Variants in NTF3 observed in about 807,000 individuals in gnomAD.
NTF3 encodes the protein neurotrophin 3.
A neutral mutation model predicts 26.3 loss-of-function variants in NTF3; 8 were observed. That is an observed-to-expected ratio of 0.30 (90% CI 0.18 to 0.55). NTF3 has a LOEUF of 0.55. Among genes scored for constraint, NTF3 ranks in the 20% least tolerant of loss-of-function variants. The pLI is 0.93. For missense variants in NTF3, 276 were observed against 352.9 expected (o/e 0.78, Z 1.75); for synonymous variants, 154 against 145.5 (o/e 1.06, Z -0.42).
At chr12:5,483,752 A>G (rs979005122) in intron 1 of NTF3, among the ~76,000 whole-genome samples, 2 of 152,204 alleles carry the variant, frequency 1.3e-5, no homozygotes, top group Admixed American at 1.3e-4. Context: ...TTCAAACATC[A>G]TGGAGAACAC....
intron 1 of NTF3, among the ~76,000 whole-genome samples, chr12:5,437,546 T>C (rs539712399): frequency 3.9e-5 from 6 of 152,210 alleles, no homozygotes; most frequent in Non-Finnish European, 8.8e-5. Context: ...CCACCCCAAC[T>C]GGAGGGAATG....
chr12:5,469,318 C>T (rs74056365), intron 1 of NTF3, among the ~76,000 whole-genome samples: 4,430 of 152,164 alleles, frequency 0.029, 133 homozygotes, highest in African/African-American at 0.076. Context: ...GAGCCATTTT[C>T]GCAACCAGCA....
chr12:5,458,344 C>G (rs1282160209), intron 1 of NTF3, among the ~76,000 whole-genome samples: 1 of 152,174 alleles, frequency 6.6e-6, no homozygotes, highest in African/African-American at 2.4e-5. Context: ...TTCTGGGGCT[C>G]CCTATCACAC....
At chr12:5,469,120 CAA>C (rs920267333) in intron 1 of NTF3, among the ~76,000 whole-genome samples, 1 of 137,508 alleles carries the variant, frequency 7.3e-6, no homozygotes. Flanking sequence ...GATCCTGTCT[CAA>C]AAAAAAAAAG....
intron 1 of NTF3, among the ~76,000 whole-genome samples, chr12:5,469,103 A>G (rs564904664): frequency 1.3e-5 from 2 of 152,184 alleles, no homozygotes; most frequent in East Asian, 3.9e-4. Context: ...CCTAGGAGAC[A>G]GAGTGAGATC....
intron 1 of NTF3, among the ~76,000 whole-genome samples, chr12:5,476,615 G>T (rs553686327): frequency 5.9e-5 from 9 of 152,172 alleles, no homozygotes; most frequent in Non-Finnish European, 1.2e-4. Context: ...TGGAGTGGTG[G>T]ATCATGAGAA....
At position 5,491,845 on chromosome 12, in the gene NTF3, G is replaced by A. The variant is rs149734267; in HGVS notation, c.19-2349G>A. Among the ~76,000 whole-genome samples, 158 of 149,042 alleles carry A rather than the reference G, an allele frequency of 1.1e-3. 2 individuals carry two copies. In the East Asian group the frequency reaches 0.022, roughly 21 times the overall value. On this transcript the variant is annotated intron_variant, in intron 1 of 1. Coordinates refer to ENST00000423158, the MANE Select transcript of NTF3 (RefSeq NM_001102654.2). ...CACCATTCTCCTGCCTCAGCCTCCC[G>A]AGTAGCTGGGACTACAGGCTGCCAC...
Position 5,453,702 on chromosome 12 carries a change from G to A in NTF3, c.18+21360G>A, listed in dbSNP as rs145199964. Among the ~76,000 whole-genome samples, 82 of 152,282 alleles carry A rather than the reference G, an allele frequency of 5.4e-4. 1 individual carries two copies. The highest frequency in any genetic ancestry group is 1.8e-3 in the African/African-American group (73 of 41,556). ...GCTCCTTCATGCTTCCCACTTGTTCGGGATCTTTTTGCCAGCTGACCACAG... is the reference window on the plus strand; with the variant it reads ...GCTCCTTCATGCTTCCCACTTGTTCAGGATCTTTTTGCCAGCTGACCACAG... On this transcript the variant is annotated intron_variant, in intron 1 of 1. Transcript: ENST00000423158.
intron 1 of NTF3, among the ~76,000 whole-genome samples, chr12:5,479,187 C>T (rs543906809): frequency 4.6e-5 from 7 of 152,230 alleles, no homozygotes; most frequent in Non-Finnish European, 7.4e-5. Flanking sequence ...CAAGATTTGC[C>T]GGAGAGAGGA....
At chr12:5,488,640 C>G (rs895367425) in intron 1 of NTF3, among the ~76,000 whole-genome samples, 1 of 152,136 alleles carries the variant, frequency 6.6e-6, no homozygotes, top group Non-Finnish European at 1.5e-5. Flanking sequence ...TTAATATTTC[C>G]ACCACATTCC....
At chr12:5,461,719 G>A (rs545718290) in intron 1 of NTF3, among the ~76,000 whole-genome samples, 16 of 152,202 alleles carry the variant, frequency 1.1e-4, no homozygotes, top group Non-Finnish European at 1.9e-4. Context: ...CACATAAAAT[G>A]TGCCCTCTCT....
At chr12:5,490,141 T>C (rs569568607) in intron 1 of NTF3, among the ~76,000 whole-genome samples, 1 of 152,262 alleles carries the variant, frequency 6.6e-6, no homozygotes, top group Admixed American at 6.5e-5. Context: ...CTGGGGACCA[T>C]GGCCGACTTC....
intron 1 of NTF3, among the ~76,000 whole-genome samples, chr12:5,476,692 A>C (rs551409797): frequency 8.1e-4 from 124 of 152,306 alleles, no homozygotes; most frequent in African/African-American, 2.9e-3. Context: ...GGAGCAGAGG[A>C]TTCAAAATAG....
At chr12:5,454,097 T>C (rs1940408316) in intron 1 of NTF3, among the ~76,000 whole-genome samples, 1 of 152,142 alleles carries the variant, frequency 6.6e-6, no homozygotes, top group Non-Finnish European at 1.5e-5. Flanking sequence ...AACAGAAATG[T>C]ATTGCCTCAC....
At chr12:5,481,275 G>A (rs1335495876) in intron 1 of NTF3, among the ~76,000 whole-genome samples, 1 of 152,002 alleles carries the variant, frequency 6.6e-6, no homozygotes, top group Non-Finnish European at 1.5e-5. Flanking sequence ...GGGAGGCTGG[G>A]AGTAGACGCA....
intron 1 of NTF3, among the ~76,000 whole-genome samples, chr12:5,438,319 C>T (rs1940197987): frequency 6.6e-6 from 1 of 152,122 alleles, no homozygotes; most frequent in South Asian, 2.1e-4. Context: ...TTGCACACAC[C>T]CCCACATGGT....
intron 1 of NTF3, among the ~76,000 whole-genome samples, chr12:5,488,502 C>T (rs1224156832): frequency 6.6e-6 from 1 of 152,214 alleles, no homozygotes; most frequent in Non-Finnish European, 1.5e-5. Flanking sequence ...GTCAGAACAT[C>T]ATCATGTGGC....
chr12:5,495,102 T>G lies in NTF3; in HGVS notation c.*114T>G. The G allele has an allele frequency of 8.6e-7, 1 of 1,157,078 alleles. No homozygotes were observed. The highest frequency in any genetic ancestry group is 1.2e-6 in the Non-Finnish European group (1 of 818,842). 71.7% of individuals were successfully genotyped at this position (1,157,078 alleles called of 1,614,324 possible). A position where few individuals can be genotyped will look rare whatever the true frequency, so the allele number is the denominator to read the frequency against. On this transcript the variant is annotated 3_prime_UTR_variant, in exon 2 of 2. Coordinates refer to ENST00000423158, the MANE Select transcript of NTF3 (RefSeq NM_001102654.2). ...ATAAGTTGACCTTTATTTATTAAAC[T>G]TCAGCAACCCTACAGTATATAAGCT...
At chr12:5,434,271 C>T (rs1290486607) in intron 1 of NTF3, among the ~76,000 whole-genome samples, 1 of 152,204 alleles carries the variant, frequency 6.6e-6, no homozygotes, top group African/African-American at 2.4e-5. Flanking sequence ...ATAATGCAGG[C>T]TCCGGTAGAC....
Sources: allele counts gnomAD v4.1 joint callset (sites outside exome capture counted in the v4.1 genomes callset), GRCh38; gene constraint gnomAD v4.1.1; transcripts MANE v1.5; gene names NCBI Gene and HGNC (gene_info 2026-07-23, HGNC 2026-07-21).